Variants in DSCAML1 observed in about 807,000 individuals in gnomAD.
DSCAML1 encodes the protein cell adhesion molecule DSCAML1.
A neutral mutation model predicts 200.5 loss-of-function variants in DSCAML1; 38 were observed. The observed-to-expected ratio is 0.19, with a 90% confidence interval of 0.15 to 0.25. The LOEUF is 0.25. Ranked by LOEUF, DSCAML1 falls within the 10% of genes least tolerant of loss-of-function variation. The pLI, the probability that DSCAML1 is intolerant of heterozygous loss-of-function variation, is 1.00. For synonymous variants in DSCAML1, 1,215 were observed against 1,165.0 expected (o/e 1.04, Z -0.87); for missense variants, 2,223 against 2,858.8 (o/e 0.78, Z 5.07).
chr11:117,516,806 C>T lies in DSCAML1; in HGVS notation c.1511-67G>A, dbSNP rs931945274. The stretch of plus-strand genomic sequence containing the variant: ...TGTGCTGCTGTCAGCCAGGGACAGC[C>T]AGGCACCACCCTGCGGTGCTCTTCT... On this transcript the variant is annotated intron_variant, in intron 7 of 32. Coordinates refer to ENST00000651296, the MANE Select transcript of DSCAML1 (RefSeq NM_020693.4). This position sits in a 1 kb window ranked among gnomAD's most constrained non-coding sequence, Gnocchi z 5.7. 1.3e-6 allele frequency: 2 copies of T among 1,549,640 alleles called. No individual in the cohort carries two copies. Among genetic ancestry groups the T allele is most frequent in the African/African-American group, 1.4e-5 (1 of 73,942 alleles).
At chr11:117,461,644 G>A (rs775611201) in intron 17 of DSCAML1, 48 bp from the exon 18 acceptor site, 2 of 1,572,930 alleles carry the variant, frequency 1.3e-6, no homozygotes, top group African/African-American at 2.7e-5. Context: ...TCATGGATGT[G>A]AGTGACAGTA....
chr11:117,736,806 T>A (rs1208251377), intron 3 of DSCAML1, among the ~76,000 whole-genome samples: 1 of 152,202 alleles, frequency 6.6e-6, no homozygotes, highest in Non-Finnish European at 1.5e-5. Context: ...ACGGAAGACA[T>A]CGTTCACACA....
At chr11:117,442,073 T>C (rs1376777874) in intron 21 of DSCAML1, among the ~76,000 whole-genome samples, 2 of 151,156 alleles carry the variant, frequency 1.3e-5, no homozygotes, top group African/African-American at 4.9e-5. Context: ...CGCAGATGCG[T>C]GTTTGTGCAC....
At chr11:117,813,928 G>A (rs984241935) in intron 1 of DSCAML1, among the ~76,000 whole-genome samples, 31 of 152,314 alleles carry the variant, frequency 2.0e-4, no homozygotes, top group Admixed American at 5.9e-4. Context: ...CCAAGCCATC[G>A]CATCCCCTGT....
chr11:117,539,830 A>C (rs559013854), intron 3 of DSCAML1, among the ~76,000 whole-genome samples: 3 of 152,226 alleles, frequency 2.0e-5, no homozygotes, highest in African/African-American at 7.2e-5. Context: ...ACCCAAGTTC[A>C]TAGCAGCGTT....
rs752759093 is a variant in DSCAML1 at position 117,516,627 on chromosome 11, A to G, written c.1623T>C (p.Asp541=). Residue 541 remains aspartate (D), a synonymous_variant, in exon 8 of 33, where the codon GAT becomes GAC. Transcript: ENST00000651296. This position sits in a 1 kb window ranked among gnomAD's most constrained non-coding sequence, Gnocchi z 5.7. ...GGTGGTTGTCTGGCAGCAGCAGGGC[A>G]TCCTTGTACCACTTGATGGAGTAGT... is the stretch of plus-strand genomic sequence containing the variant. The part of the protein sequence containing the change: ...YPYYSIKWYK[D]ALLLPDNHRQ... 6.2e-7 allele frequency: 1 copy of G among 1,614,130 alleles called. No homozygotes were observed. Among genetic ancestry groups the G allele is most frequent in the South Asian group, 1.1e-5 (1 of 91,080 alleles).
rs139385882 is a variant in DSCAML1 at position 117,504,964 on chromosome 11, G to A, written c.2142C>T (p.Asp714=). The A allele has an allele frequency of 3.1e-4, 502 of 1,610,988 alleles. No individual in the cohort carries two copies. Among genetic ancestry groups the A allele is most frequent in the Non-Finnish European group, 3.2e-4 (375 of 1,178,164 alleles). The part of the protein sequence containing the change: ...GKAGVLNCSV[D]GYPPPKVMWK... ...ACATGACCTTGGGTGGGGGGTAGCC[G>A]TCCACCGAGCAGTTGAGCACACCAG... Residue 714 remains aspartate (D), a synonymous_variant, in exon 10 of 33, where the codon GAC becomes GAT. Transcript: ENST00000651296. The surrounding 1 kb of genome is among the most constrained non-coding windows in gnomAD (Gnocchi z 5.0).
chr11:117,699,688 C>A (rs1022401685), intron 3 of DSCAML1, among the ~76,000 whole-genome samples: 1 of 152,184 alleles, frequency 6.6e-6, no homozygotes, highest in African/African-American at 2.4e-5. Context: ...CCGCCCAGTA[C>A]CCACAGTGGC....
At chr11:117,546,017 C>T (rs116441718) in intron 3 of DSCAML1, among the ~76,000 whole-genome samples, 1 of 152,184 alleles carries the variant, frequency 6.6e-6, no homozygotes, top group African/African-American at 2.4e-5. Flanking sequence ...CTCGGCTATG[C>T]GAACTTGTGC....
intron 3 of DSCAML1, among the ~76,000 whole-genome samples, chr11:117,679,280 AC>A (rs1205429675): frequency 3.9e-5 from 6 of 152,180 alleles, no homozygotes; most frequent in Admixed American, 6.5e-5. Flanking sequence ...CCTAGCAGAC[AC>A]CAGGATTCAT....
At position 117,585,903 on chromosome 11, in the gene DSCAML1, C is replaced by T. The variant is rs555259628; in HGVS notation, c.512-53381G>A. Among the ~76,000 whole-genome samples the T allele has an allele frequency of 4.5e-4, 68 of 152,306 alleles. 1 individual carries two copies. The highest frequency in any genetic ancestry group is 3.4e-3 in the Middle Eastern group (1 of 294). On this transcript the variant is annotated intron_variant, in intron 3 of 32. Transcript: ENST00000651296. ...TCACAGTATTTTTGTTGATACCATG[C>T]GCCTTGCACTGACTGTCCTGCTGAG...
intron 3 of DSCAML1, among the ~76,000 whole-genome samples, chr11:117,572,418 C>A (rs944998895): frequency 4.6e-5 from 7 of 152,206 alleles, no homozygotes; most frequent in African/African-American, 1.7e-4. Context: ...TGATGTTCAA[C>A]CTGGCATTTC....
chr11:117,738,498 T>A (rs2054363787), intron 3 of DSCAML1, among the ~76,000 whole-genome samples: 1 of 152,172 alleles, frequency 6.6e-6, no homozygotes, highest in Non-Finnish European at 1.5e-5. Context: ...ATCATGTGTC[T>A]GCGCACACAG....
At chr11:117,782,663 T>C (rs2134057658) in intron 1 of DSCAML1, among the ~76,000 whole-genome samples, 1 of 152,294 alleles carries the variant, frequency 6.6e-6, no homozygotes, top group East Asian at 1.9e-4. Flanking sequence ...TCTTAGAATA[T>C]ACACTTAGCA....
chr11:117,676,191 A>G (rs2053208890), intron 3 of DSCAML1, among the ~76,000 whole-genome samples: 1 of 152,112 alleles, frequency 6.6e-6, no homozygotes, highest in Non-Finnish European at 1.5e-5. Flanking sequence ...AAAAGCAATC[A>G]TAAGAGAGGA....
At chr11:117,452,264 G>A (rs1166607042) in intron 19 of DSCAML1, among the ~76,000 whole-genome samples, 1 of 152,174 alleles carries the variant, frequency 6.6e-6, no homozygotes, top group African/African-American at 2.4e-5. Context: ...TAATTCATCA[G>A]TTTTTGTTTT....
chr11:117,624,231 C>G (rs1200801493), intron 3 of DSCAML1, among the ~76,000 whole-genome samples: 1 of 152,140 alleles, frequency 6.6e-6, no homozygotes, highest in East Asian at 1.9e-4. Flanking sequence ...CAGGCGTTCA[C>G]AGAGATCAGG....
At chr11:117,816,804 G>GA (rs2055813259) in intron 1 of DSCAML1, among the ~76,000 whole-genome samples, 2 of 110,502 alleles carry the variant, frequency 1.8e-5, no homozygotes, top group Non-Finnish European at 4.2e-5. Context: ...TTGCTGGGGG[G>GA]GTGGGGTGGA....
chr11:117,732,056 T>C (rs1187581195), intron 3 of DSCAML1, among the ~76,000 whole-genome samples: 3 of 152,112 alleles, frequency 2.0e-5, no homozygotes, highest in South Asian at 2.1e-4. Flanking sequence ...AGGAGTCACA[T>C]AGCCCTTACT....
Sources: allele counts gnomAD v4.1 joint callset (sites outside exome capture counted in the v4.1 genomes callset), GRCh38; gene constraint gnomAD v4.1.1; non-coding constraint Gnocchi (gnomAD v3.1); transcripts MANE v1.5; gene names NCBI Gene and HGNC (gene_info 2026-07-23, HGNC 2026-07-21).